The following FKBP9 variants were observed in gnomAD, a reference collection of about 807,000 sequenced individuals.
FKBP9 encodes FKBP prolyl isomerase 9.
Under a neutral mutation model 55.6 loss-of-function variants are expected in FKBP9, and 27 were observed. The observed-to-expected ratio is 0.49, with a 90% CI of 0.36 to 0.67. The LOEUF (loss-of-function observed/expected upper bound fraction) is 0.67, where lower values mean the gene tolerates loss of function less well. FKBP9 is among the 30% of genes least tolerant of loss of function. The pLI is 0.00. For synonymous variants in FKBP9, 267 were observed against 296.5 expected, an observed-to-expected ratio of 0.90 and a Z score of 1.02; for missense variants, 539 against 742.8, an observed-to-expected ratio of 0.73 and a Z score of 3.19.
chr7:32,973,217 T>C (rs1784285514), intron 1 of FKBP9, among the ~76,000 whole-genome samples: 1 of 152,102 alleles, frequency 6.6e-6, no homozygotes, highest in African/African-American at 2.4e-5. Context: ...AGTCCCCTAA[T>C]AGGCAAACCC....
At chr7:32,977,038 C>G (rs1583851648) in intron 4 of FKBP9, among the ~76,000 whole-genome samples, 1 of 152,200 alleles carries the variant, frequency 6.6e-6, no homozygotes, top group East Asian at 1.9e-4. Context: ...CCGTTTGCAC[C>G]TCTATGATGA....
At chr7:32,989,158 T>C (rs955770118) in intron 6 of FKBP9, 2 of 152,240 alleles carry the variant, frequency 1.3e-5, no homozygotes, top group African/African-American at 4.8e-5. Flanking sequence ...CCATTGAAAG[T>C]AAGTGCAAAA....
chr7:33,000,128 A>T lies in FKBP9; in HGVS notation c.1240A>T (p.Lys414Ter), dbSNP rs1784904569. The change falls in exon 8 of 10, where the codon AAA becomes TAA. Residue 414 changes from lysine (K) to a stop codon, truncating the protein, a stop_gained. Coordinates refer to ENST00000242209, the MANE Select transcript of FKBP9 (RefSeq NM_007270.5). LOFTEE classifies it high-confidence loss of function. ...GTTTCATTTTAGGTGGAATTTAGGCAAAACTTACAATATTGTTCTGGGATC... is the reference window on the plus strand; with the variant it reads ...GTTTCATTTTAGGTGGAATTTAGGCTAAACTTACAATATTGTTCTGGGATC... ...TLLDSTWNLG[K>*]TYNIVLGSGQ... 1 of 1,614,196 alleles carries T rather than the reference A, an allele frequency of 6.2e-7. No homozygotes were observed. Among genetic ancestry groups the T allele is most frequent in the African/African-American group, 1.3e-5 (1 of 75,060 alleles).
At chr7:33,004,781 C>T (rs184564032) in intron 9 of FKBP9, among the ~76,000 whole-genome samples, 1 of 152,242 alleles carries the variant, frequency 6.6e-6, no homozygotes, top group East Asian at 1.9e-4. Context: ...AGATCTAGAA[C>T]AGTGTGCTCA....
intron 7 of FKBP9, 54 bp downstream of exon 7, chr7:32,996,403 C>T (rs1784787078): frequency 4.1e-6 from 5 of 1,223,010 alleles, no homozygotes; most frequent in Non-Finnish European, 5.9e-6. Flanking sequence ...CAGTTGCATG[C>T]TCCCACCATC....
At chr7:32,965,826 T>TATATATATGTGTATAC (rs1554284319) in intron 1 of FKBP9, among the ~76,000 whole-genome samples, 2 of 33,296 alleles carry the variant, frequency 6.0e-5, no homozygotes, top group African/African-American at 1.2e-4. Flanking sequence ...TATATATATA[T>TATATATATGTGTATAC]ATATATATAT....
chr7:32,988,296 C>G (rs561688178), intron 5 of FKBP9, among the ~76,000 whole-genome samples: 1 of 152,182 alleles, frequency 6.6e-6, no homozygotes, highest in African/African-American at 2.4e-5. Context: ...ATGGCGTGTC[C>G]CTACAGGTGG....
intron 5 of FKBP9, among the ~76,000 whole-genome samples, chr7:32,985,537 A>G (rs1784559972): frequency 6.6e-6 from 1 of 152,152 alleles, no homozygotes; most frequent in Non-Finnish European, 1.5e-5. Context: ...ATATATGTAT[A>G]TATTTCCTGC....
intron 5 of FKBP9, among the ~76,000 whole-genome samples, chr7:32,987,805 T>A (rs1006946759): frequency 6.6e-6 from 1 of 152,156 alleles, no homozygotes. Context: ...AGCTAAGTTT[T>A]GTAATTTTGT....
chr7:32,959,957 T>A (rs1249781050), intron 1 of FKBP9, among the ~76,000 whole-genome samples: 3 of 152,088 alleles, frequency 2.0e-5, no homozygotes, highest in African/African-American at 7.2e-5. Context: ...TACCTAGGAG[T>A]TGGAATTGCT....
chr7:32,965,865 A>G (rs1380779704), intron 1 of FKBP9, among the ~76,000 whole-genome samples: 877 of 43,116 alleles, frequency 0.02, 36 homozygotes, highest in African/African-American at 0.09. Context: ...ATATATATAT[A>G]TACATACATA....
Position 32,980,530 on chromosome 7 carries a change from G to A in FKBP9, c.870G>A (p.Leu290=), listed in dbSNP as rs749169790. The change falls in exon 5 of 10, where the codon CTG becomes CTA. Residue 290 remains leucine (L), a synonymous_variant. Transcript: ENST00000242209. ...FLRYHYNGTL[L]DGTLFDSSYS... is the part of the protein sequence containing the mutation. ...GGTATCATTACAATGGCACGCTTCT[G>A]GATGGCACCCTCTTTGATTCCAGGT... is the stretch of plus-strand genomic sequence containing the variant. 49 of 1,613,558 alleles carry A rather than the reference G, an allele frequency of 3.0e-5. No individual in the cohort carries two copies. The highest frequency in any genetic ancestry group is 4.2e-5 in the Non-Finnish European group (49 of 1,179,776).
intron 9 of FKBP9, among the ~76,000 whole-genome samples, chr7:33,004,820 T>C (rs1483893152): frequency 6.6e-6 from 1 of 152,026 alleles, no homozygotes; most frequent in African/African-American, 2.4e-5. Context: ...GTTTTGATCA[T>C]ATGAATGAAT....
intron 1 of FKBP9, among the ~76,000 whole-genome samples, chr7:32,960,082 A>G (rs1166007469): frequency 6.7e-6 from 1 of 148,182 alleles, no homozygotes; most frequent in Admixed American, 6.8e-5. Flanking sequence ...ATAGTTCTCC[A>G]CGGTCTCAAC....
intron 1 of FKBP9, among the ~76,000 whole-genome samples, chr7:32,970,188 T>C (rs201237138): frequency 6.6e-6 from 1 of 152,104 alleles, no homozygotes; most frequent in East Asian, 1.9e-4. Context: ...ATTCGTGTCC[T>C]CTTTAATTTC....
At chr7:32,989,925 CT>C (rs1784649924) in intron 6 of FKBP9, among the ~76,000 whole-genome samples, 1 of 152,178 alleles carries the variant, frequency 6.6e-6, no homozygotes, top group Non-Finnish European at 1.5e-5. Context: ...TAAAGTGATC[CT>C]CCTGCATCAG....
intron 1 of FKBP9, among the ~76,000 whole-genome samples, chr7:32,962,089 C>T (rs1193932003): frequency 6.6e-6 from 1 of 152,044 alleles, no homozygotes; most frequent in Non-Finnish European, 1.5e-5. Flanking sequence ...GGTTGGGGAC[C>T]ACTGCTCTAA....
chr7:32,980,589 A>G (rs1359375128), intron 5 of FKBP9, 36 bp downstream of exon 5: 1 of 1,603,036 alleles, frequency 6.2e-7, no homozygotes, highest in Non-Finnish European at 8.5e-7. Flanking sequence ...TTGCCAGAAC[A>G]TTGTATTAAA....
intron 1 of FKBP9, among the ~76,000 whole-genome samples, chr7:32,958,991 A>G (rs1301976800): frequency 6.6e-6 from 1 of 152,172 alleles, no homozygotes; most frequent in Non-Finnish European, 1.5e-5. Flanking sequence ...AATATTTTGT[A>G]GACTCTTGAC....
Sources: gnomAD v4.1 joint callset for allele counts (sites outside exome capture counted in the v4.1 genomes callset) on GRCh38, gnomAD v4.1.1 for gene constraint, MANE v1.5 for transcripts, NCBI Gene and HGNC (gene_info 2026-07-23, HGNC 2026-07-21) for gene names.